The following SLC48A1 variants were observed in gnomAD, a reference collection of about 807,000 sequenced individuals.
SLC48A1 encodes the protein heme transporter HRG1.
Under a neutral mutation model 14.8 loss-of-function variants are expected in SLC48A1, and 6 were observed. The ratio of observed to expected loss-of-function variants is 0.41; its 90% CI spans 0.22 to 0.80. The LOEUF (loss-of-function observed/expected upper bound fraction) is 0.80, where lower values mean the gene tolerates loss of function less well. Ranked by LOEUF, SLC48A1 falls within the 30% of genes least tolerant of loss-of-function variation. The pLI, the probability that SLC48A1 is intolerant of heterozygous loss-of-function variation, is 0.34. For synonymous variants in SLC48A1, 89 were observed against 90.0 expected, an observed-to-expected ratio of 0.99 and a Z score of 0.06; for missense variants, 165 against 204.8, an observed-to-expected ratio of 0.81 and a Z score of 1.19.
chr12:47,770,755 T>C, upstream of SLC48A1: 1 of 454,344 alleles, frequency 2.2e-6, no homozygotes, highest in South Asian at 1.6e-5. Flanking sequence ...GGGGACAGCC[T>C]TCTTAACAGA....
intron 2 of SLC48A1, among the ~76,000 whole-genome samples, chr12:47,763,736 C>T (rs1298581408): frequency 1.3e-5 from 2 of 152,140 alleles, no homozygotes; most frequent in South Asian, 4.1e-4. Context: ...TCATGAGCCA[C>T]TTATGACAGT....
chr12:47,758,584 C>T (rs756136989), exon 1 of SLC48A1: 1 of 1,613,754 alleles, frequency 6.2e-7, no homozygotes, highest in Non-Finnish European at 8.5e-7. Flanking sequence ...CACAGCCGTG[C>T]AGGCTCTAGC....
chr12:47,769,281 G>T (rs1189654951), upstream of SLC48A1: 2 of 152,282 alleles, frequency 1.3e-5, no homozygotes, highest in Non-Finnish European at 2.9e-5. Flanking sequence ...AGTTTCTGGC[G>T]CAGGCAGGGA....
chr12:47,780,044 G>A, intron 2 of SLC48A1, 101 bp from the exon 3 acceptor site: 1 of 1,381,984 alleles, frequency 7.2e-7, no homozygotes, highest in Non-Finnish European at 9.6e-7. Flanking sequence ...CCAGGACGTT[G>A]CAGGGATGTT....
In SLC48A1 at chr12:47,780,412, TG is replaced by T. The variant is rs1163700040; in HGVS notation, c.*132del. ...GGCAGAAAATACACAGCAGGACGAG[TG>T]TGGTCTCCCAGGAAGCTGTCCTGCC... is the stretch of plus-strand genomic sequence containing the variant. On this transcript the variant is annotated 3_prime_UTR_variant, in exon 3 of 3. Transcript: ENST00000442218. 4 of 1,411,320 alleles carry T rather than the reference TG, an allele frequency of 2.8e-6. No individual in the cohort carries two copies. Among genetic ancestry groups the T allele is most frequent in the Non-Finnish European group, 3.0e-6 (3 of 995,892 alleles). 87.4% of individuals were successfully genotyped at this position (1,411,320 alleles called of 1,614,324 possible). A position where few individuals can be genotyped will look rare whatever the true frequency, so the allele number is the denominator to read the frequency against.
intron 2 of SLC48A1, among the ~76,000 whole-genome samples, chr12:47,763,076 G>T (rs181506119): frequency 6.6e-6 from 1 of 152,358 alleles, no homozygotes; most frequent in Admixed American, 6.5e-5. Context: ...GGGTGGAAAT[G>T]AAATGAACAG....
Position 47,758,651 on chromosome 12 carries a change from G to A in SLC48A1, c.-382G>A, listed in dbSNP as rs796404004. The A allele has an allele frequency of 5.7e-6, 9 of 1,585,286 alleles. No individual in the cohort carries two copies. The African/African-American group carries it at 1.1e-4, about 19-fold the overall frequency. The stretch of plus-strand genomic sequence containing the variant: ...CAGCTTTGATAAGGGGATCCGGAGG[G>A]TGCCAGTGGGTAAGTCCAGGTACAG... On this transcript the variant is annotated 5_prime_UTR_variant, in exon 1 of 5. Transcript: ENST00000547002.
rs1942671392 is a variant in SLC48A1, at chr12:47,773,442, T to TA, written c.136+3dup. ...CCGCGGCCATGGGAGGGCTCGCAGG[T>TA]ACCCCGGGACGCTGGGCGGCGCGGG... On this transcript the variant is annotated splice_region_variant and intron_variant, in intron 1 of 2. Coordinates refer to ENST00000442218, the MANE Select transcript of SLC48A1 (RefSeq NM_017842.3). 5.0e-6 allele frequency: 7 copies of TA among 1,398,006 alleles called. No homozygotes were observed. Among genetic ancestry groups the TA allele is most frequent in the Non-Finnish European group, 4.7e-6 (5 of 1,068,684 alleles). The allele number at this position is 1,398,006 out of a possible 1,614,324, so 86.6% of individuals were successfully genotyped here.
At chr12:47,764,158 A>G (rs968068722) in intron 2 of SLC48A1, among the ~76,000 whole-genome samples, 3 of 151,288 alleles carry the variant, frequency 2.0e-5, no homozygotes, top group South Asian at 2.1e-4. Flanking sequence ...ATGTGTGTGT[A>G]TGTGTGTGTG....
chr12:47,761,446 A>C (rs1942378557), intron 2 of SLC48A1, among the ~76,000 whole-genome samples: 1 of 152,204 alleles, frequency 6.6e-6, no homozygotes, highest in Non-Finnish European at 1.5e-5. Flanking sequence ...GGGAGATCAT[A>C]GGGAGTAGAT....
rs746168115 is a variant in SLC48A1, at chr12:47,780,329, C to T, written c.*48C>T. 3.7e-6 allele frequency: 6 copies of T among 1,613,898 alleles called. No individual in the cohort carries two copies. In the South Asian group the frequency reaches 5.5e-5, roughly 15 times the overall value. ...CCCTGGGGGGGCCTTAGGACCTGGACTCAGCCTCTGAGATGTTGGGAGAGG... is the reference window on the plus strand; with the variant it reads ...CCCTGGGGGGGCCTTAGGACCTGGATTCAGCCTCTGAGATGTTGGGAGAGG... On this transcript the variant is annotated 3_prime_UTR_variant, in exon 3 of 3. Coordinates refer to ENST00000442218, the MANE Select transcript of SLC48A1 (RefSeq NM_017842.3).
chr12:47,773,142 G>T (rs1045955389), upstream of SLC48A1: 3 of 967,212 alleles, frequency 3.1e-6, no homozygotes, highest in African/African-American at 5.3e-5. Flanking sequence ...GGCGGCCTCC[G>T]GCCGGGGAGG....
rs953065588 is a variant in SLC48A1, at chr12:47,779,171, G to A, written c.280G>A (p.Val94Met). Residue 94 changes from valine (V) to methionine (M), a missense_variant, in exon 2 of 3, where the codon GTG becomes ATG. Coordinates refer to ENST00000442218, the MANE Select transcript of SLC48A1 (RefSeq NM_017842.3). ...CATCGCTGCCTTCTGCACCTTCCTC[G>A]TGCTGGCCATCACCCGGCATCAGAG... ...VSIAAFCTFLVLAITRHQSLT... is the reference protein window; with the variant it reads ...VSIAAFCTFLMLAITRHQSLT... The A allele has an allele frequency of 3.3e-5, 51 of 1,551,558 alleles. No individual in the cohort carries two copies. The highest frequency in any genetic ancestry group is 1.8e-4 in the African/African-American group (13 of 73,016).
At chr12:47,773,809 AACACACAC>A (rs34356737) in intron 1 of SLC48A1, among the ~76,000 whole-genome samples, 11 of 150,632 alleles carry the variant, frequency 7.3e-5, no homozygotes, top group South Asian at 2.1e-4. Context: ...CCTATCCCCA[AACACACAC>A]ACACACACAC....
At chr12:47,780,123 G>T in intron 2 of SLC48A1, 22 bp from the exon 3 acceptor site, 1 of 1,538,766 alleles carries the variant, frequency 6.5e-7, no homozygotes, top group Non-Finnish European at 8.8e-7. Flanking sequence ...CAAAGTCACT[G>T]TCGGTACTTC....
At chr12:47,758,013 T>A (rs1393705148), upstream of SLC48A1, 2 of 1,575,518 alleles carry the variant, frequency 1.3e-6, no homozygotes, top group East Asian at 4.7e-5. Context: ...CCCGCGGTGC[T>A]CCCAGAGCTG....
chr12:47,754,740 G>A (rs1941953008), upstream of SLC48A1, among the ~76,000 whole-genome samples: 1 of 152,106 alleles, frequency 6.6e-6, no homozygotes, highest in African/African-American at 2.4e-5. Flanking sequence ...AGGACACAGT[G>A]CAAAAAAATA....
chr12:47,754,216 C>CGTCTTCCA (rs1322210852), upstream of SLC48A1, among the ~76,000 whole-genome samples: 2 of 152,258 alleles, frequency 1.3e-5, no homozygotes, highest in Admixed American at 1.3e-4. Context: ...TATGCCCTAC[C>CGTCTTCCA]GTCTTCCATT....
In SLC48A1 at chr12:47,781,695, G is replaced by A. The variant is rs1203578099; in HGVS notation, c.*1414G>A. 6.5e-6 allele frequency: 1 copy of A among 152,772 alleles called. No individual in the cohort carries two copies. Among genetic ancestry groups the A allele is most frequent in the Non-Finnish European group, 1.5e-5 (1 of 68,096 alleles). The allele number at this position is 152,772 out of a possible 1,614,324, so 9.5% of individuals were successfully genotyped here. A position where few individuals can be genotyped will look rare whatever the true frequency, so the allele number is the denominator to read the frequency against. ...AGCCTCTGGTGGTTGCTTGTGAGGT[G>A]GGACTCTTGCGGGAACAGGTGGACT... is the stretch of plus-strand genomic sequence containing the variant. On this transcript the variant is annotated 3_prime_UTR_variant, in exon 3 of 3. Coordinates refer to ENST00000442218, the MANE Select transcript of SLC48A1 (RefSeq NM_017842.3).
Sources: allele counts gnomAD v4.1 joint callset (sites outside exome capture counted in the v4.1 genomes callset), GRCh38; gene constraint gnomAD v4.1.1; transcripts MANE v1.5; gene names NCBI Gene and HGNC (gene_info 2026-07-23, HGNC 2026-07-21).